Variants in TENT4B observed in about 807,000 individuals in gnomAD.
The protein encoded by TENT4B is terminal nucleotidyltransferase 4B.
A neutral mutation model predicts 75.0 loss-of-function variants in TENT4B; 10 were observed. The observed-to-expected ratio is 0.13, with a 90% CI of 0.08 to 0.23. The LOEUF is 0.23. Ranked by LOEUF, TENT4B falls within the 10% of genes least tolerant of loss-of-function variation. TENT4B has a pLI of 1.00. For missense variants in TENT4B, 579 were observed against 893.8 expected, an observed-to-expected ratio of 0.65 and a Z score of 4.49; for synonymous variants, 350 against 357.7, an observed-to-expected ratio of 0.98 and a Z score of 0.24.
Position 50,153,807 on chromosome 16 carries a change from C to T in TENT4B, c.186C>T (p.Ser62=), listed in dbSNP as rs1053012218. 34 of 1,213,696 alleles carry T rather than the reference C, an allele frequency of 2.8e-5. No individual in the cohort carries two copies. Among genetic ancestry groups the T allele is most frequent in the Non-Finnish European group, 3.3e-5 (32 of 978,556 alleles). 75.2% of individuals were successfully genotyped at this position (1,213,696 alleles called of 1,614,324 possible). A position where few individuals can be genotyped will look rare whatever the true frequency, so the allele number is the denominator to read the frequency against. Residue 62 remains serine (S), a synonymous_variant, in exon 1 of 12, where the codon AGC becomes AGT. Transcript: ENST00000561678. ...SSSSSTATGG[S]GSSTGSPGGA... ...GCAGCAGCACGGCCACCGGCGGGAG[C>T]GGCAGCAGCACCGGCAGCCCCGGCG...
At chr16:50,183,120 C>T (rs1022398187) in intron 1 of TENT4B, among the ~76,000 whole-genome samples, 13 of 150,958 alleles carry the variant, frequency 8.6e-5, no homozygotes, top group South Asian at 2.1e-4. Context: ...CTCGACTCAC[C>T]GCAACCTCTG....
rs181689275 is a variant in TENT4B at position 50,176,211 on chromosome 16, C to T, written c.638+21952C>T. On this transcript the variant is annotated intron_variant, in intron 1 of 11. Coordinates refer to ENST00000561678, the MANE Select transcript of TENT4B (RefSeq NM_001365324.3). ...AAGCTGTCCTCCCACCTCAGCCTCC[C>T]AAGCAGCTGGGATTATGGGTGCCCA... 1.8e-3 allele frequency among the ~76,000 whole-genome samples: 271 copies of T among 151,574 alleles called. 1 individual carries two copies. The highest frequency in any genetic ancestry group is 6.4e-3 in the African/African-American group (263 of 41,320).
intron 1 of TENT4B, among the ~76,000 whole-genome samples, chr16:50,204,334 A>C (rs1158248613): frequency 2.0e-5 from 3 of 152,164 alleles, no homozygotes; most frequent in African/African-American, 7.2e-5. Flanking sequence ...TTTGGGAACA[A>C]GGATTTGGAA....
chr16:50,179,919 G>A (rs1166300720), intron 1 of TENT4B, among the ~76,000 whole-genome samples: 1 of 151,994 alleles, frequency 6.6e-6, no homozygotes, highest in Non-Finnish European at 1.5e-5. Flanking sequence ...TGGGTTTCCT[G>A]TGGACCATGC....
chr16:50,154,964 A>G (rs529078531), intron 1 of TENT4B, among the ~76,000 whole-genome samples: 6 of 152,270 alleles, frequency 3.9e-5, no homozygotes, highest in African/African-American at 1.2e-4. Context: ...TGAGGCCCTG[A>G]TAGAACTTTC....
chr16:50,200,119 A>G (rs940100238), intron 1 of TENT4B, among the ~76,000 whole-genome samples: 2 of 152,158 alleles, frequency 1.3e-5, no homozygotes, highest in African/African-American at 4.8e-5. Flanking sequence ...TAATCCTAGC[A>G]TAATGGGAGG....
At chr16:50,204,262 C>T (rs2030822542) in intron 1 of TENT4B, among the ~76,000 whole-genome samples, 1 of 152,106 alleles carries the variant, frequency 6.6e-6, no homozygotes. Flanking sequence ...GACTTGAACT[C>T]AGAGCACGGT....
intron 1 of TENT4B, among the ~76,000 whole-genome samples, chr16:50,185,362 G>A (rs978912399): frequency 4.6e-5 from 7 of 152,136 alleles, no homozygotes; most frequent in Admixed American, 4.6e-4. Context: ...GACCAATTAT[G>A]GTCATGAAGT....
chr16:50,173,251 T>C (rs1319563994), intron 1 of TENT4B, among the ~76,000 whole-genome samples: 2 of 152,010 alleles, frequency 1.3e-5, no homozygotes. Context: ...GCCAGCTCTT[T>C]TTTTTGTACT....
intron 1 of TENT4B, among the ~76,000 whole-genome samples, chr16:50,169,259 T>A (rs1400766850): frequency 7.2e-5 from 11 of 152,184 alleles, no homozygotes; most frequent in African/African-American, 2.2e-4. Context: ...CGTTGTTTCC[T>A]GTGGACTTTC....
At chr16:50,178,908 G>A (rs1016609578) in intron 1 of TENT4B, among the ~76,000 whole-genome samples, 30 of 152,100 alleles carry the variant, frequency 2.0e-4, no homozygotes, top group South Asian at 2.1e-4. Context: ...GCACAACAGT[G>A]TGAATGTACT....
intron 7 of TENT4B, 107 bp from the exon 8 acceptor site, chr16:50,224,550 C>G: frequency 7.0e-7 from 1 of 1,422,680 alleles, no homozygotes. Flanking sequence ...CCAGGCACAA[C>G]TCTGGTGGGA....
In TENT4B at chr16:50,153,485, C is replaced by G. The variant is rs1429863363; in HGVS notation, c.-137C>G. ...CGCGACCGCGCCGCCCGCGGCGGGCCCCGAGCAGCAGCAGCAGCAGCAGCG... is the reference window on the plus strand; with the variant it reads ...CGCGACCGCGCCGCCCGCGGCGGGCGCCGAGCAGCAGCAGCAGCAGCAGCG... On this transcript the variant is annotated 5_prime_UTR_variant, in exon 1 of 12. Transcript: ENST00000561678. 1.0e-6 allele frequency: 1 copy of G among 957,242 alleles called. No individual in the cohort carries two copies. Among genetic ancestry groups the G allele is most frequent in the Admixed American group, 6.4e-5 (1 of 15,540 alleles). The allele number at this position is 957,242 out of a possible 1,614,324, so 59.3% of individuals were successfully genotyped here.
At chr16:50,183,318 A>G (rs1022766074) in intron 1 of TENT4B, among the ~76,000 whole-genome samples, 2 of 152,010 alleles carry the variant, frequency 1.3e-5, no homozygotes, top group Non-Finnish European at 2.9e-5. Flanking sequence ...TGCTGGGATT[A>G]CAGGTGTGAG....
chr16:50,223,369 G>A lies in TENT4B; in HGVS notation c.1363G>A (p.Glu455Lys), dbSNP rs1490522763. Reference sequence around the variant, plus strand: ...CTACAGGCCATCAATGCTTTATATCGAAGATCCTTTACAACCAGGTATTGA... The same window carrying A: ...CTACAGGCCATCAATGCTTTATATCAAAGATCCTTTACAACCAGGTATTGA... ...DGYRPSMLYIEDPLQPGNDVG... is the reference protein window; with the variant it reads ...DGYRPSMLYIKDPLQPGNDVG... The change falls in exon 7 of 12, where the codon GAA becomes AAA. Residue 455 changes from glutamate (E) to lysine (K), a missense_variant. Physicochemically the swap from Glu to Lys is moderately conservative, Grantham distance 56. Transcript: ENST00000561678. 2 of 1,608,520 alleles carry A rather than the reference G, an allele frequency of 1.2e-6. No homozygotes were observed. Among genetic ancestry groups the A allele is most frequent in the Non-Finnish European group, 1.7e-6 (2 of 1,177,046 alleles).
chr16:50,211,439 G>T lies in TENT4B; in HGVS notation c.755G>T (p.Ser252Ile). The T allele has an allele frequency of 6.3e-7, 1 of 1,582,748 alleles. No individual in the cohort carries two copies. Among genetic ancestry groups the T allele is most frequent in the Non-Finnish European group, 8.5e-7 (1 of 1,171,218 alleles). The change falls in exon 2 of 12, where the codon AGC (serine) becomes ATC (isoleucine). Residue 252 changes from serine to isoleucine, a missense_variant. Around this residue, in one of 7 missense-constraint regions of TENT4B, gnomAD observed 18 missense variants for 23.9 expected, o/e 0.75. Transcript: ENST00000561678. ...IESVIKELWP[S>I]ADVQIFGSFK... ...AGTGTAATTAAGGAGCTCTGGCCCA[G>T]CGCTGACGTGAGTCCCTTCCTGGGT...
chr16:50,229,192 T>C lies in TENT4B; in HGVS notation c.2006T>C (p.Phe669Ser). 1 of 1,613,878 alleles carries C rather than the reference T, an allele frequency of 6.2e-7. No individual in the cohort carries two copies. Among genetic ancestry groups the C allele is most frequent in the Non-Finnish European group, 8.5e-7 (1 of 1,179,834 alleles). ...ARLFRSSSKG[F>S]QGTTQTSHGS... ...CTCTTTCGTTCTTCCAGCAAAGGCT[T>C]CCAAGGTACAACTCAAACAAGCCAT... The change falls in exon 12 of 12, where the codon TTC becomes TCC. Residue 669 changes from phenylalanine to serine, a missense_variant. This residue lies in a region of TENT4B where 164 missense variants were observed against 226.5 expected (regional missense o/e 0.72). Transcript: ENST00000561678.
chr16:50,162,702 T>A (rs922129988), intron 1 of TENT4B, among the ~76,000 whole-genome samples: 1 of 152,204 alleles, frequency 6.6e-6, no homozygotes, highest in Non-Finnish European at 1.5e-5. Flanking sequence ...TTAACTTTTT[T>A]TTGTCTTTGA....
chr16:50,153,658 C>T lies in TENT4B; in HGVS notation c.37C>T (p.Leu13Phe). 9.9e-7 allele frequency: 1 copy of T among 1,013,014 alleles called. No individual in the cohort carries two copies. Among genetic ancestry groups the T allele is most frequent in the Non-Finnish European group, 1.2e-6 (1 of 848,884 alleles). The allele number at this position is 1,013,014 out of a possible 1,614,324, so 62.8% of individuals were successfully genotyped here. ...PRIAWFQPEQLGPSNSLWMQI... is the reference protein window; with the variant it reads ...PRIAWFQPEQFGPSNSLWMQI... The stretch of plus-strand genomic sequence containing the variant: ...GATCGCCTGGTTTCAGCCAGAGCAG[C>T]TCGGACCGTCCAACAGTCTGTGGAT... Residue 13 changes from leucine to phenylalanine, a missense_variant, in exon 1 of 12, where the codon CTC becomes TTC. Physicochemically the swap from Leu to Phe is conservative, Grantham distance 22 (BLOSUM62 0). Transcript: ENST00000561678.
Sources: gnomAD v4.1 joint callset for allele counts (sites outside exome capture counted in the v4.1 genomes callset) on GRCh38, gnomAD v4.1.1 for gene constraint, gnomAD v4.1.1 regional missense constraint, MANE v1.5 for transcripts, NCBI Gene and HGNC (gene_info 2026-07-23, HGNC 2026-07-21) for gene names.